The following GRM1 variants were observed in gnomAD, a reference collection of about 807,000 sequenced individuals.
GRM1 encodes metabotropic glutamate receptor 1.
A neutral mutation model predicts 90.9 loss-of-function variants in GRM1; 33 were observed. The observed-to-expected ratio is 0.36, with a 90% CI of 0.28 to 0.49. GRM1 has a LOEUF of 0.49. Ranked by LOEUF, GRM1 falls within the 20% of genes least tolerant of loss-of-function variation. GRM1 has a pLI of 0.99. For missense variants in GRM1, 1,190 were observed against 1,534.3 expected (o/e 0.78, Z 3.75); for synonymous variants, 700 against 613.2 (o/e 1.14, Z -2.09).
chr6:146,345,216 C>T (rs1306133553), intron 3 of GRM1, among the ~76,000 whole-genome samples: 1 of 152,168 alleles, frequency 6.6e-6, no homozygotes, highest in Non-Finnish European at 1.5e-5. Context: ...GGCTTCTGTT[C>T]CTTGCTTCCA....
intron 1 of GRM1, among the ~76,000 whole-genome samples, chr6:146,143,505 T>C (rs547740024): frequency 3.8e-4 from 58 of 152,308 alleles, no homozygotes; most frequent in African/African-American, 1.3e-3. Flanking sequence ...ATGAGCTTGT[T>C]CTGGAAGTGG....
At chr6:146,239,836 T>G (rs1169895197) in intron 2 of GRM1, among the ~76,000 whole-genome samples, 1 of 151,944 alleles carries the variant, frequency 6.6e-6, no homozygotes, top group Non-Finnish European at 1.5e-5. Flanking sequence ...TTTTTAAAGT[T>G]CCCCCCGGAG....
intron 7 of GRM1, among the ~76,000 whole-genome samples, chr6:146,416,907 T>C (rs1451648885): frequency 6.6e-6 from 1 of 152,176 alleles, no homozygotes; most frequent in Non-Finnish European, 1.5e-5. Flanking sequence ...GTGCCTTGTG[T>C]AGCCTAAAAT....
At chr6:146,335,607 A>G (rs879774357) in intron 3 of GRM1, among the ~76,000 whole-genome samples, 7 of 151,762 alleles carry the variant, frequency 4.6e-5, no homozygotes, top group African/African-American at 1.7e-4. Context: ...ACTTCTTCCT[A>G]CTCCAAGTCC....
chr6:146,102,285 A>G (rs1011035431), intron 1 of GRM1, among the ~76,000 whole-genome samples: 1 of 152,098 alleles, frequency 6.6e-6, no homozygotes, highest in African/African-American at 2.4e-5. Context: ...CACTTAACAT[A>G]CCAACTTCAT....
chr6:146,396,972 CA>C (rs2114570316), intron 6 of GRM1, among the ~76,000 whole-genome samples: 1 of 152,222 alleles, frequency 6.6e-6, no homozygotes, highest in African/African-American at 2.4e-5. Flanking sequence ...AACAAGAGCT[CA>C]GTAAAATTAG....
chr6:146,375,655 T>C (rs2115105748), intron 5 of GRM1, among the ~76,000 whole-genome samples: 1 of 152,236 alleles, frequency 6.6e-6, no homozygotes, highest in South Asian at 2.1e-4. Flanking sequence ...AGTGACCTTC[T>C]TTGTCTCTTC....
chr6:146,175,060 C>G (rs1486260224), intron 2 of GRM1, among the ~76,000 whole-genome samples: 2 of 152,092 alleles, frequency 1.3e-5, no homozygotes, highest in Admixed American at 6.5e-5. Flanking sequence ...AAGTGATATC[C>G]TGTTACTTTT....
At chr6:146,226,330 A>G (rs1321920221) in intron 2 of GRM1, among the ~76,000 whole-genome samples, 1 of 152,138 alleles carries the variant, frequency 6.6e-6, no homozygotes, top group Non-Finnish European at 1.5e-5. Flanking sequence ...AATCAACTTC[A>G]AGTGATAACA....
At chr6:146,112,715 T>C (rs1207078594) in intron 1 of GRM1, among the ~76,000 whole-genome samples, 2 of 152,220 alleles carry the variant, frequency 1.3e-5, no homozygotes, top group Non-Finnish European at 2.9e-5. Context: ...CACTGATTTT[T>C]AAATTGTCTG....
chr6:146,434,895 C>T lies in GRM1; in HGVS notation c.*99C>T. The T allele has an allele frequency of 9.4e-7, 1 of 1,060,484 alleles. No homozygotes were observed. The highest frequency in any genetic ancestry group is 1.9e-5 in the Admixed American group (1 of 53,568). 65.7% of individuals were successfully genotyped at this position (1,060,484 alleles called of 1,614,324 possible). A position where few individuals can be genotyped will look rare whatever the true frequency, so the allele number is the denominator to read the frequency against. On this transcript the variant is annotated 3_prime_UTR_variant, in exon 8 of 8. Transcript: ENST00000282753. ...GGAGGAAAAGCCTGGGAGTGGGGGG[C>T]CTCGTCGGGAGGACAGGAGACCGCT...
chr6:146,435,212 C>G lies in GRM1; in HGVS notation c.*416C>G, dbSNP rs1022027100. ...GAACAGCCCACGTGGACATGCCAGT[C>G]GGATCATGAGTTCACCTGATGGCAT... On this transcript the variant is annotated 3_prime_UTR_variant, in exon 8 of 8. Coordinates refer to ENST00000282753, the MANE Select transcript of GRM1 (RefSeq NM_001278064.2). 7 of 331,424 alleles carry G rather than the reference C, an allele frequency of 2.1e-5. No homozygotes were observed. The highest frequency in any genetic ancestry group is 3.5e-5 in the Non-Finnish European group (6 of 172,120). The allele number at this position is 331,424 out of a possible 1,614,324, so 20.5% of individuals were successfully genotyped here.
intron 2 of GRM1, among the ~76,000 whole-genome samples, chr6:146,205,592 A>G (rs1320991812): frequency 6.6e-6 from 1 of 152,242 alleles, no homozygotes; most frequent in Non-Finnish European, 1.5e-5. Context: ...AATTGTTATC[A>G]TAACAATGCA....
chr6:146,203,987 A>G (rs546229207), intron 2 of GRM1, among the ~76,000 whole-genome samples: 1 of 152,364 alleles, frequency 6.6e-6, no homozygotes, highest in South Asian at 2.1e-4. Context: ...TTATAAGAAT[A>G]AATTCACTTG....
At chr6:146,280,787 ATTT>A (rs577622701) in intron 2 of GRM1, among the ~76,000 whole-genome samples, 1 of 150,774 alleles carries the variant, frequency 6.6e-6, no homozygotes, top group Non-Finnish European at 1.5e-5. Flanking sequence ...AGCCCAGGTA[ATTT>A]TTTTTTCTTT....
At chr6:146,201,015 T>A (rs6570740) in intron 2 of GRM1, among the ~76,000 whole-genome samples, 34,303 of 152,054 alleles carry the variant, frequency 0.23, 8,103 homozygotes, top group African/African-American at 0.6. Flanking sequence ...ATGGTGGTGG[T>A]TCTGTGTTCC....
rs967660006 is a variant in GRM1, at chr6:146,436,676, C to G, written c.*1880C>G. On this transcript the variant is annotated 3_prime_UTR_variant, in exon 8 of 8. Transcript: ENST00000282753. The stretch of plus-strand genomic sequence containing the variant: ...TCCACTTACTCCATCTTTACAATCC[C>G]TTTTTACCACCAATAAAAGGATTTT... 35 of 152,512 alleles carry G rather than the reference C, an allele frequency of 2.3e-4. No homozygotes were observed. Among genetic ancestry groups the G allele is most frequent in the African/African-American group, 7.2e-4 (30 of 41,412 alleles). The allele number at this position is 152,512 out of a possible 1,614,324, so 9.4% of individuals were successfully genotyped here.
intron 2 of GRM1, among the ~76,000 whole-genome samples, chr6:146,174,470 G>A (rs1778259642): frequency 6.6e-6 from 1 of 152,196 alleles, no homozygotes; most frequent in Non-Finnish European, 1.5e-5. Context: ...AGCTGGAATT[G>A]CAAAAATTGT....
At chr6:146,397,957 T>C (rs1371826418) in intron 6 of GRM1, among the ~76,000 whole-genome samples, 1 of 152,238 alleles carries the variant, frequency 6.6e-6, no homozygotes, top group Admixed American at 6.5e-5. Flanking sequence ...ATTTTGTGAT[T>C]ACAAAATTCT....
Sources: gnomAD v4.1 joint callset for allele counts (sites outside exome capture counted in the v4.1 genomes callset) on GRCh38, gnomAD v4.1.1 for gene constraint, MANE v1.5 for transcripts, NCBI Gene and HGNC (gene_info 2026-07-23, HGNC 2026-07-21) for gene names.